The following KCTD1 variants were observed in gnomAD, a reference collection of about 807,000 sequenced individuals.
The protein encoded by KCTD1 is BTB/POZ domain-containing protein KCTD1.
Under a neutral mutation model 66.0 loss-of-function variants are expected in KCTD1, and 24 were observed. The observed-to-expected ratio is 0.36, with a 90% CI of 0.26 to 0.51. The LOEUF (loss-of-function observed/expected upper bound fraction) is 0.51, where lower values mean the gene tolerates loss of function less well. KCTD1 is among the 20% of genes least tolerant of loss of function. KCTD1 has a pLI of 0.95. For missense variants in KCTD1, 943 were observed against 1,205.2 expected, an observed-to-expected ratio of 0.78 and a Z score of 3.22; for synonymous variants, 511 against 517.2, an observed-to-expected ratio of 0.99 and a Z score of 0.16.
upstream of KCTD1, among the ~76,000 whole-genome samples, chr18:26,644,041 G>A (rs1987887106): frequency 6.6e-6 from 1 of 152,048 alleles, no homozygotes; most frequent in African/African-American, 2.4e-5. Flanking sequence ...TCTTTATGGA[G>A]GTCTCACCTG....
At chr18:26,587,989 C>T (rs1841292587) in intron 1 of KCTD1, among the ~76,000 whole-genome samples, 1 of 152,186 alleles carries the variant, frequency 6.6e-6, no homozygotes, top group Non-Finnish European at 1.5e-5. Flanking sequence ...GACAAAGCAG[C>T]AGCAGGGTAT....
chr18:26,512,848 G>C (rs545296824), intron 1 of KCTD1, among the ~76,000 whole-genome samples: 2 of 152,174 alleles, frequency 1.3e-5, no homozygotes, highest in African/African-American at 4.8e-5. Context: ...GGGTGTGGTG[G>C]TGCATGCCTG....
intron 1 of KCTD1, among the ~76,000 whole-genome samples, chr18:26,602,293 C>G (rs1250556815): frequency 6.6e-6 from 1 of 152,138 alleles, no homozygotes; most frequent in Non-Finnish European, 1.5e-5. Context: ...ACCGTGTCTT[C>G]TTGGGATAAA....
rs1424602494 is a variant in KCTD1 at position 26,562,434 on chromosome 18, G to A, written c.-15-61184C>T. 8.2e-4 allele frequency among the ~76,000 whole-genome samples: 113 copies of A among 138,516 alleles called. No homozygotes were observed. In the East Asian group the frequency reaches 0.014, roughly 17 times the overall value. The allele number at this position is 138,516 out of a possible 152,430, so 90.9% of individuals were successfully genotyped here. ...TTGTGTGTGAAGCCCGGTGGGGGGT[G>A]GGGGGGTGGGGGCGGGGGGTTCTCC... On this transcript the variant is annotated intron_variant, in intron 1 of 4. Coordinates refer to the KCTD1 transcript ENST00000317932.
At chr18:26,567,388 T>C (rs1028445012) in intron 1 of KCTD1, among the ~76,000 whole-genome samples, 15 of 152,180 alleles carry the variant, frequency 9.9e-5, no homozygotes, top group African/African-American at 2.7e-4. Context: ...AGTAAGTTAA[T>C]TGTGTCTCCA....
In KCTD1 at chr18:26,455,818, G is replaced by A. The variant is rs372604706; in HGVS notation, c.2523C>T (p.Tyr841=). Residue 841 remains tyrosine (Y), a synonymous_variant, in exon 5 of 5, where the codon TAC becomes TAT. Transcript: ENST00000580059. The stretch of plus-strand genomic sequence containing the variant: ...TCCGCCTCAGTTCCCGCCGAAGGAC[G>A]TATTCGCTGAACTGGGACGAGTCTA... ...GGVDSSQFSE[Y]VLRRELRRTP... is the part of the protein sequence containing the mutation. 27 of 1,614,088 alleles carry A rather than the reference G, an allele frequency of 1.7e-5. No homozygotes were observed. The highest frequency in any genetic ancestry group is 8.9e-5 in the East Asian group (4 of 44,898).
chr18:26,527,677 A>G (rs916074926), intron 1 of KCTD1, among the ~76,000 whole-genome samples: 9 of 152,188 alleles, frequency 5.9e-5, no homozygotes, highest in Non-Finnish European at 1.3e-4. Context: ...CAGTGTGTCA[A>G]TGTTTCAGCA....
upstream of KCTD1, chr18:26,548,775 G>T: frequency 8.9e-7 from 1 of 1,124,498 alleles, no homozygotes; most frequent in Non-Finnish European, 1.1e-6. Context: ...AAGGACGGAG[G>T]CTGACCAGAC....
At chr18:26,473,351 C>G (rs1981168193) in intron 3 of KCTD1, among the ~76,000 whole-genome samples, 1 of 151,860 alleles carries the variant, frequency 6.6e-6, no homozygotes. Context: ...TAAGTGGGAG[C>G]TGAACAATGA....
chr18:26,643,169 C>T (rs1197530295), upstream of KCTD1, among the ~76,000 whole-genome samples: 1 of 152,140 alleles, frequency 6.6e-6, no homozygotes, highest in Non-Finnish European at 1.5e-5. Context: ...CGACAGCCAC[C>T]TTCTTGCTGT....
At position 26,459,754 on chromosome 18, in the gene KCTD1, T is replaced by G. The variant is rs370555580; in HGVS notation, c.2305A>C (p.Lys769Gln). The G allele has an allele frequency of 3.1e-6, 5 of 1,614,070 alleles. No individual in the cohort carries two copies. Among genetic ancestry groups the G allele is most frequent in the Non-Finnish European group, 4.2e-6 (5 of 1,180,032 alleles). Residue 769 changes from lysine (K) to glutamine (Q), a missense_variant, in exon 4 of 5, where the codon AAA becomes CAA. Coordinates refer to ENST00000580059, the MANE Select transcript of KCTD1 (RefSeq NM_001142730.3). ...LGERITLSGD[K>Q]SLIEEVFPEI... ...GGAAATACTTCTTCTATCAAGGATT[T>G]GTCACCGCTTAGCGTGATCCTTTCT...
intron 1 of KCTD1, among the ~76,000 whole-genome samples, chr18:26,516,292 C>T (rs533864008): frequency 6.6e-6 from 1 of 152,308 alleles, no homozygotes; most frequent in Admixed American, 6.5e-5. Context: ...CAGGAGGTTG[C>T]TAATGCCTGT....
rs1053612075 is a variant in KCTD1 at position 26,503,065 on chromosome 18, G to A, written c.1810-1815C>T. ...AATGGGGTGGTGACTGGGCCTTTAC[G>A]CAAAATGTTTACCATCTGTGTTGTG... On this transcript the variant is annotated intron_variant, in intron 1 of 4. Coordinates refer to ENST00000580059, the MANE Select transcript of KCTD1 (RefSeq NM_001142730.3). Among the ~76,000 whole-genome samples, 10 of 152,272 alleles carry A rather than the reference G, an allele frequency of 6.6e-5. No homozygotes were observed. The East Asian group carries it at 1.5e-3, about 23-fold the overall frequency.
intron 1 of KCTD1, among the ~76,000 whole-genome samples, chr18:26,593,375 A>AGAG (rs763839971): frequency 2.7e-4 from 15 of 55,232 alleles, no homozygotes; most frequent in East Asian, 2.2e-3. Context: ...AGGAGGAGGA[A>AGAG]GAGGAGGAGG....
chr18:26,636,033 A>G (rs972010308), intron 1 of KCTD1, among the ~76,000 whole-genome samples: 16 of 152,230 alleles, frequency 1.1e-4, no homozygotes, highest in African/African-American at 3.9e-4. Context: ...TTGTGCTGGG[A>G]GAGTCTAAGG....
intron 1 of KCTD1, among the ~76,000 whole-genome samples, chr18:26,535,111 G>GTGA (rs11376459): frequency 8.9e-6 from 1 of 112,118 alleles, no homozygotes; most frequent in African/African-American, 3.5e-5. Flanking sequence ...TGGGGTTGGG[G>GTGA]GGTGGGGGTG....
chr18:26,586,349 C>G (rs1420051629), intron 1 of KCTD1, among the ~76,000 whole-genome samples: 1 of 152,138 alleles, frequency 6.6e-6, no homozygotes, highest in Non-Finnish European at 1.5e-5. Context: ...CCATATAAGA[C>G]AGTGAACTTA....
chr18:26,642,562 A>G (rs1987852578), upstream of KCTD1, among the ~76,000 whole-genome samples: 1 of 152,232 alleles, frequency 6.6e-6, no homozygotes, highest in African/African-American at 2.4e-5. Flanking sequence ...GTTGAAAAAT[A>G]CAAACTAGAG....
intron 1 of KCTD1, chr18:26,591,424 T>G (rs1986599892): frequency 1.3e-5 from 2 of 151,766 alleles, no homozygotes; most frequent in South Asian, 4.2e-4. Context: ...AGATACAAGA[T>G]AAAGCATGTT....
Sources: allele counts gnomAD v4.1 joint callset (sites outside exome capture counted in the v4.1 genomes callset), GRCh38; gene constraint gnomAD v4.1.1; transcripts MANE v1.5; gene names NCBI Gene and HGNC (gene_info 2026-07-23, HGNC 2026-07-21).